PHF20: variants seen among roughly 807,000 people sequenced by gnomAD.
PHF20 encodes glioma-expressed antigen 2.
In PHF20, 23 loss-of-function variants were observed where a neutral mutation model predicts 113.5. That is an observed-to-expected ratio of 0.20 (90% confidence interval 0.15 to 0.29). The LOEUF is 0.29. PHF20 is among the 10% of genes least tolerant of loss of function. PHF20 has a pLI of 1.00. For synonymous variants in PHF20, 434 were observed against 457.3 expected (o/e 0.95, Z 0.65); for missense variants, 943 against 1,219.6 (o/e 0.77, Z 3.38).
At chr20:35,808,017 A>G (rs2041914649) in intron 2 of PHF20, among the ~76,000 whole-genome samples, 1 of 152,062 alleles carries the variant, frequency 6.6e-6, no homozygotes, top group Non-Finnish European at 1.5e-5. Flanking sequence ...AAGGGGGAAA[A>G]GGGTGGGAAG....
At chr20:35,924,738 G>A (rs1435299835) in intron 13 of PHF20, among the ~76,000 whole-genome samples, 1 of 151,898 alleles carries the variant, frequency 6.6e-6, no homozygotes, top group African/African-American at 2.4e-5. Flanking sequence ...GACTACAGGT[G>A]TGTACCACCA....
intron 9 of PHF20, among the ~76,000 whole-genome samples, chr20:35,875,496 T>C (rs976585715): frequency 6.6e-6 from 1 of 152,082 alleles, no homozygotes; most frequent in African/African-American, 2.4e-5. Context: ...TCGTCCATAG[T>C]GTTGTGCTTC....
At chr20:35,803,949 G>A (rs1474897378) in intron 2 of PHF20, among the ~76,000 whole-genome samples, 1 of 151,662 alleles carries the variant, frequency 6.6e-6, no homozygotes, top group Non-Finnish European at 1.5e-5. Context: ...CCAACTCCTG[G>A]GCTCAAGTGA....
intron 1 of PHF20, among the ~76,000 whole-genome samples, chr20:35,788,317 C>G (rs1045345609): frequency 4.0e-5 from 6 of 150,662 alleles, no homozygotes; most frequent in African/African-American, 1.5e-4. Flanking sequence ...AGGATGGTCT[C>G]GATCTCCTAA....
rs190037870 is a variant in PHF20 at position 35,798,400 on chromosome 20, G to A, written c.-32-3091G>A. On this transcript the variant is annotated intron_variant, in intron 1 of 17. Coordinates refer to ENST00000374012, the MANE Select transcript of PHF20 (RefSeq NM_016436.5). Reference sequence around the variant, plus strand: ...TGTAGACCAGCCTGAGTGACAGAGTGAGCAAGACCTTGTCTCCAAAAAAAT... The same window carrying A: ...TGTAGACCAGCCTGAGTGACAGAGTAAGCAAGACCTTGTCTCCAAAAAAAT... Among the ~76,000 whole-genome samples the A allele has an allele frequency of 2.6e-5, 4 of 152,162 alleles. No individual in the cohort carries two copies. In the East Asian group the frequency reaches 7.7e-4, roughly 29 times the overall value.
intron 13 of PHF20, among the ~76,000 whole-genome samples, chr20:35,921,560 A>G (rs2055512270): frequency 6.6e-6 from 1 of 152,046 alleles, no homozygotes. Context: ...GATGCATGCC[A>G]GCAGACCCAA....
chr20:35,933,788 C>G (rs1397865598), intron 15 of PHF20, among the ~76,000 whole-genome samples: 1 of 152,200 alleles, frequency 6.6e-6, no homozygotes. Flanking sequence ...CCATCTCGGC[C>G]TCCCAAAGTG....
chr20:35,867,397 C>T (rs1438776866), intron 6 of PHF20, among the ~76,000 whole-genome samples: 1 of 152,028 alleles, frequency 6.6e-6, no homozygotes, highest in Non-Finnish European at 1.5e-5. Flanking sequence ...GTAGCTGGGA[C>T]TACAGGCATG....
At chr20:35,826,458 G>C (rs1035158865) in intron 2 of PHF20, among the ~76,000 whole-genome samples, 15 of 152,164 alleles carry the variant, frequency 9.9e-5, no homozygotes, top group African/African-American at 3.6e-4. Context: ...AGGGTTGGGT[G>C]GCAGTTGTGA....
In PHF20 at chr20:35,949,204, G is replaced by A. The variant is rs960463619; in HGVS notation, c.*1577G>A. On this transcript the variant is annotated 3_prime_UTR_variant, in exon 18 of 18. Transcript: ENST00000374012. ...CAAAACGACGATTCCTCTACAAGAG[G>A]CTGTTTCTCACTGCTAACGTTGGTG... is the stretch of plus-strand genomic sequence containing the variant. The A allele has an allele frequency of 1.3e-5, 2 of 152,480 alleles. No homozygotes were observed. The highest frequency in any genetic ancestry group is 4.8e-5 in the African/African-American group (2 of 41,460). The allele number at this position is 152,480 out of a possible 1,614,324, so 9.4% of individuals were successfully genotyped here. A position where few individuals can be genotyped will look rare whatever the true frequency, so the allele number is the denominator to read the frequency against.
At chr20:35,917,772 A>C (rs1171453793) in intron 13 of PHF20, 110 bp downstream of exon 13, 25 of 895,980 alleles carry the variant, frequency 2.8e-5, no homozygotes, top group Non-Finnish European at 3.6e-5. Context: ...GAAACACAGC[A>C]CGAACGGCAG....
At chr20:35,782,576 G>T (rs1459060400) in intron 1 of PHF20, 1 of 152,180 alleles carries the variant, frequency 6.6e-6, no homozygotes, top group Non-Finnish European at 1.5e-5. Context: ...ACTGTGCCTG[G>T]CCAAGAGGTC....
At position 35,880,514 on chromosome 20, in the gene PHF20, T is replaced by C. The variant is rs1415811774; in HGVS notation, c.1282+8685T>C. Reference sequence around the variant, plus strand: ...ATTTAGCTATTTTGTGGCCATAAGGTATTTTTTCTGCATATATTTTAAAGA... The same window carrying C: ...ATTTAGCTATTTTGTGGCCATAAGGCATTTTTTCTGCATATATTTTAAAGA... On this transcript the variant is annotated intron_variant, in intron 9 of 17. Coordinates refer to ENST00000374012, the MANE Select transcript of PHF20 (RefSeq NM_016436.5). 2.6e-5 allele frequency among the ~76,000 whole-genome samples: 4 copies of C among 152,324 alleles called. No homozygotes were observed. In the East Asian group the frequency reaches 7.7e-4, roughly 29 times the overall value.
chr20:35,793,005 C>G (rs2041588572), intron 1 of PHF20, among the ~76,000 whole-genome samples: 1 of 152,140 alleles, frequency 6.6e-6, no homozygotes, highest in Non-Finnish European at 1.5e-5. Flanking sequence ...CCTAGGCATT[C>G]CCTGGCCTTC....
At chr20:35,828,581 C>A (rs1418903410) in intron 2 of PHF20, among the ~76,000 whole-genome samples, 1 of 152,196 alleles carries the variant, frequency 6.6e-6, no homozygotes, top group Admixed American at 6.5e-5. Flanking sequence ...GGCAAGCCTT[C>A]CTGGGGCTTA....
At chr20:35,840,913 G>A (rs551540163) in intron 2 of PHF20, among the ~76,000 whole-genome samples, 1 of 152,278 alleles carries the variant, frequency 6.6e-6, no homozygotes, top group East Asian at 1.9e-4. Flanking sequence ...AATGGAGGTT[G>A]AAAGAAACCA....
At chr20:35,833,785 C>A (rs1208114895) in intron 2 of PHF20, among the ~76,000 whole-genome samples, 2 of 152,094 alleles carry the variant, frequency 1.3e-5, no homozygotes, top group Non-Finnish European at 1.5e-5. Context: ...ATAGACCAGG[C>A]ACAGCGGTTC....
At chr20:35,825,574 A>G (rs1481247581) in intron 2 of PHF20, among the ~76,000 whole-genome samples, 1 of 152,140 alleles carries the variant, frequency 6.6e-6, no homozygotes, top group East Asian at 1.9e-4. Flanking sequence ...CTTTTTTGAT[A>G]TTAATTTTCC....
At chr20:35,836,266 T>C (rs1444338872) in intron 2 of PHF20, among the ~76,000 whole-genome samples, 1 of 152,090 alleles carries the variant, frequency 6.6e-6, no homozygotes, top group Non-Finnish European at 1.5e-5. Flanking sequence ...GATACTCTCA[T>C]CTTGGCCTCC....
Sources: gnomAD v4.1 joint callset for allele counts (sites outside exome capture counted in the v4.1 genomes callset) on GRCh38, gnomAD v4.1.1 for gene constraint, MANE v1.5 for transcripts, NCBI Gene and HGNC (gene_info 2026-07-23, HGNC 2026-07-21) for gene names.